Variants in KCNK2 observed in about 807,000 individuals in gnomAD.
The protein encoded by KCNK2 is potassium channel subfamily K member 2.
KCNK2 carries 21 observed loss-of-function variants against 40.5 expected under a neutral mutation model. That is an observed-to-expected ratio of 0.52 (90% CI 0.37 to 0.75). KCNK2 has a LOEUF of 0.75. Among genes scored for constraint, KCNK2 ranks in the 30% least tolerant of loss-of-function variants. The pLI is 0.00. For missense variants in KCNK2, 399 were observed against 531.6 expected, an observed-to-expected ratio of 0.75 and a Z score of 2.45; for synonymous variants, 191 against 202.2, an observed-to-expected ratio of 0.94 and a Z score of 0.47.
At chr1:215,220,410 C>T (rs762621801) in intron 6 of KCNK2, among the ~76,000 whole-genome samples, 1 of 152,194 alleles carries the variant, frequency 6.6e-6, no homozygotes, top group Non-Finnish European at 1.5e-5. Context: ...GTTTCTGACA[C>T]TATGTGCTGG....
At chr1:215,198,485 C>T (rs1664958061) in intron 6 of KCNK2, among the ~76,000 whole-genome samples, 1 of 152,130 alleles carries the variant, frequency 6.6e-6, no homozygotes, top group Admixed American at 6.5e-5. Context: ...AAACAAAATA[C>T]TGTTAAAATT....
At chr1:215,109,023 T>A (rs534529248) in intron 2 of KCNK2, among the ~76,000 whole-genome samples, 35 of 152,006 alleles carry the variant, frequency 2.3e-4, no homozygotes, top group Non-Finnish European at 2.4e-4. Context: ...ATATATATCA[T>A]TCATTCATAT....
At chr1:215,006,872 TC>T (rs1461147091) in intron 1 of KCNK2, among the ~76,000 whole-genome samples, 2 of 151,040 alleles carry the variant, frequency 1.3e-5, no homozygotes, top group African/African-American at 4.9e-5. Flanking sequence ...TCACTTTTTT[TC>T]CATAAGGAAT....
At chr1:215,150,359 C>T (rs1430822310) in intron 3 of KCNK2, among the ~76,000 whole-genome samples, 1 of 152,102 alleles carries the variant, frequency 6.6e-6, no homozygotes, top group African/African-American at 2.4e-5. Context: ...TGCTTGTTTT[C>T]ACATAGGGTG....
chr1:215,134,019 C>A (rs571750097), intron 3 of KCNK2, among the ~76,000 whole-genome samples: 1 of 152,006 alleles, frequency 6.6e-6, no homozygotes, highest in Non-Finnish European at 1.5e-5. Context: ...CCCCTCTAGG[C>A]GTAAATATCC....
rs1404304081 is a variant in KCNK2, at chr1:215,109,060, CTTAA to C, written c.358-15566_358-15563del. ...TATATGCATATATATAGTTCATTCTCTTAATTAATTTTTTGATACATTATATTTG... is the reference window on the plus strand; with the variant it reads ...TATATGCATATATATAGTTCATTCTCTTAATTTTTTGATACATTATATTTG... On this transcript the variant is annotated intron_variant, in intron 2 of 6. Coordinates refer to ENST00000444842, the MANE Select transcript of KCNK2 (RefSeq NM_001017425.3). Among the ~76,000 whole-genome samples the C allele has an allele frequency of 7.7e-4, 117 of 151,028 alleles. 1 individual carries two copies. The South Asian group carries it at 0.019, about 25-fold the overall frequency.
chr1:215,107,474 C>T (rs1265032534), intron 2 of KCNK2, among the ~76,000 whole-genome samples: 1 of 152,058 alleles, frequency 6.6e-6, no homozygotes, highest in Non-Finnish European at 1.5e-5. Context: ...CAACAGTGCA[C>T]AAGTGTTCTA....
intron 6 of KCNK2, among the ~76,000 whole-genome samples, chr1:215,204,318 CTT>C (rs994335055): frequency 1.4e-5 from 2 of 147,646 alleles, no homozygotes. Context: ...TAAATGGTAA[CTT>C]TTTTTTTTGA....
rs12068925 is a variant in KCNK2 at position 215,135,325 on chromosome 1, A to G, written c.475+10575A>G. ...TTATCCTTAATTTTCTCATTTGTCA[A>G]CTGGGGCTAGTATTTCTCAAGAGTT... On this transcript the variant is annotated intron_variant, in intron 3 of 6. Coordinates refer to ENST00000444842, the MANE Select transcript of KCNK2 (RefSeq NM_001017425.3). Among the ~76,000 whole-genome samples the G allele has an allele frequency of 9.1e-3, 1,382 of 152,242 alleles. 24 individuals carry two copies. Among genetic ancestry groups the G allele is most frequent in the African/African-American group, 0.031 (1,276 of 41,560 alleles).
chr1:215,072,098 C>T lies in KCNK2; in HGVS notation c.35-14270C>T, dbSNP rs371902720. On this transcript the variant is annotated intron_variant, in intron 1 of 6. Transcript: ENST00000391895. The stretch of plus-strand genomic sequence containing the variant: ...GGAAAGTATCTCCTTAGTGCTGGCC[C>T]TGCATGACTGCTGTTGAAGTGAGAT... Among the ~76,000 whole-genome samples the T allele has an allele frequency of 2.0e-5, 3 of 152,284 alleles. No individual in the cohort carries two copies. In the East Asian group the frequency reaches 5.8e-4, roughly 29 times the overall value.
chr1:215,082,377 C>T (rs923651578), upstream of KCNK2, among the ~76,000 whole-genome samples: 4 of 152,130 alleles, frequency 2.6e-5, no homozygotes, highest in Non-Finnish European at 5.9e-5. Flanking sequence ...GGAGGACGCC[C>T]TAGTGCAGGG....
chr1:215,093,693 T>C (rs1443034296), intron 2 of KCNK2, among the ~76,000 whole-genome samples: 1 of 95,654 alleles, frequency 1.0e-5, no homozygotes, highest in Non-Finnish European at 1.8e-5. Context: ...AATATGTATA[T>C]ATTATATATT....
At chr1:215,190,472 C>T (rs938232782) in intron 5 of KCNK2, among the ~76,000 whole-genome samples, 11 of 152,262 alleles carry the variant, frequency 7.2e-5, no homozygotes, top group African/African-American at 2.4e-4. Flanking sequence ...AATGAAGGAG[C>T]CTGTGTTTTG....
chr1:215,083,218 C>G lies in KCNK2; in HGVS notation c.-168C>G, dbSNP rs1459578498. ...CTCCCCCCCCCGCCCCCTCCCGCGT[C>G]CAGCCCCGCTCTCCCCACCTTGTAA... On this transcript the variant is annotated 5_prime_UTR_variant, in exon 1 of 7. Coordinates refer to ENST00000444842, the MANE Select transcript of KCNK2 (RefSeq NM_001017425.3). 8 of 1,121,322 alleles carry G rather than the reference C, an allele frequency of 7.1e-6. No individual in the cohort carries two copies. In the East Asian group the frequency reaches 1.9e-4, roughly 26 times the overall value. The allele number at this position is 1,121,322 out of a possible 1,614,324, so 69.5% of individuals were successfully genotyped here.
At chr1:215,214,586 G>A (rs1273456854) in intron 6 of KCNK2, among the ~76,000 whole-genome samples, 1 of 152,244 alleles carries the variant, frequency 6.6e-6, no homozygotes, top group African/African-American at 2.4e-5. Context: ...AGCACTTTGG[G>A]AGGCCAAGGC....
chr1:215,058,375 T>C (rs1558072367), intron 1 of KCNK2, among the ~76,000 whole-genome samples: 1 of 152,234 alleles, frequency 6.6e-6, no homozygotes, highest in Non-Finnish European at 1.5e-5. Context: ...GTTATGCAGA[T>C]TGGAGTTGGA....
chr1:215,052,188 G>A (rs1160647787), intron 1 of KCNK2, among the ~76,000 whole-genome samples: 1 of 152,010 alleles, frequency 6.6e-6, no homozygotes, highest in African/African-American at 2.4e-5. Context: ...ATTAACACAG[G>A]GTGAAACCGG....
chr1:215,042,698 C>T (rs922574415), intron 1 of KCNK2, among the ~76,000 whole-genome samples: 22 of 152,176 alleles, frequency 1.4e-4, no homozygotes, highest in African/African-American at 4.6e-4. Context: ...CCTTTTACTT[C>T]TCCCTCTTTT....
intron 5 of KCNK2, among the ~76,000 whole-genome samples, chr1:215,184,771 A>G (rs1300047841): frequency 6.6e-6 from 1 of 152,114 alleles, no homozygotes; most frequent in Non-Finnish European, 1.5e-5. Flanking sequence ...GGGAACTACA[A>G]TTCAAGATGA....
Sources: allele counts gnomAD v4.1 joint callset (sites outside exome capture counted in the v4.1 genomes callset), GRCh38; gene constraint gnomAD v4.1.1; transcripts MANE v1.5; gene names NCBI Gene and HGNC (gene_info 2026-07-23, HGNC 2026-07-21).